Variants in SPSB1 observed in about 807,000 individuals in gnomAD.
The protein encoded by SPSB1 is splA/ryanodine receptor domain and SOCS box containing 1, also known as SPRY domain-containing SOCS box protein 1.
SPSB1 carries 8 observed loss-of-function variants against 21.2 expected under a neutral mutation model. The observed-to-expected ratio is 0.38, with a 90% CI of 0.22 to 0.68. SPSB1 has a LOEUF of 0.68. SPSB1 is among the 30% of genes least tolerant of loss of function. SPSB1 has a pLI of 0.53. For missense variants in SPSB1, 242 were observed against 377.8 expected, an observed-to-expected ratio of 0.64 and a Z score of 2.98; for synonymous variants, 169 against 161.7, an observed-to-expected ratio of 1.05 and a Z score of -0.34.
intron 1 of SPSB1, among the ~76,000 whole-genome samples, chr1:9,320,225 C>T (rs956795613): frequency 3.3e-5 from 5 of 152,248 alleles, no homozygotes; most frequent in African/African-American, 1.2e-4. Flanking sequence ...CACTGTGTGC[C>T]AAGCATTGTT....
chr1:9,298,548 C>T (rs1639265144), intron 1 of SPSB1, among the ~76,000 whole-genome samples: 1 of 152,192 alleles, frequency 6.6e-6, no homozygotes, highest in South Asian at 2.1e-4. Flanking sequence ...TTTCTCCTAG[C>T]CTTCCCCAAA....
Position 9,367,296 on chromosome 1 carries a change from C to G in SPSB1, c.695-152C>G. ...GCTCCTGGTGGCAGCTATTCACATG[C>G]TAAATTTAAAATGAAAAAGCATTGC... On this transcript the variant is annotated intron_variant, in intron 2 of 2. Transcript: ENST00000328089. The surrounding 1 kb of genome is among the most constrained non-coding windows in gnomAD (Gnocchi z 5.9). 1 of 1,465,044 alleles carries G rather than the reference C, an allele frequency of 6.8e-7. No homozygotes were observed. The highest frequency in any genetic ancestry group is 9.3e-7 in the Non-Finnish European group (1 of 1,074,036). The allele number at this position is 1,465,044 out of a possible 1,614,324, so 90.8% of individuals were successfully genotyped here.
chr1:9,326,151 A>T (rs973840058), intron 1 of SPSB1, among the ~76,000 whole-genome samples: 23 of 151,668 alleles, frequency 1.5e-4, no homozygotes, highest in Admixed American at 1.4e-3. Context: ...GGTGGGGCTG[A>T]ATTTAGTCTT....
chr1:9,301,884 G>A (rs775443412), intron 1 of SPSB1, among the ~76,000 whole-genome samples: 10 of 152,228 alleles, frequency 6.6e-5, no homozygotes, highest in Non-Finnish European at 1.3e-4. Flanking sequence ...TTTTGGAAGG[G>A]GCAGCGTTTT....
chr1:9,329,389 G>A (rs990667294), intron 1 of SPSB1, among the ~76,000 whole-genome samples: 5 of 152,102 alleles, frequency 3.3e-5, no homozygotes, highest in Admixed American at 2.0e-4. Context: ...GAGAGGTCAG[G>A]GGAGGTGACA....
chr1:9,359,054 C>T (rs1037124591), intron 2 of SPSB1, among the ~76,000 whole-genome samples: 1 of 152,168 alleles, frequency 6.6e-6, no homozygotes, highest in African/African-American at 2.4e-5. Context: ...AATCAGGATT[C>T]GGGAACCGCA....
At chr1:9,342,951 G>C (rs2100503161) in intron 1 of SPSB1, among the ~76,000 whole-genome samples, 1 of 152,324 alleles carries the variant, frequency 6.6e-6, no homozygotes, top group Admixed American at 6.5e-5. Context: ...CCAGGTCTCT[G>C]TAAGTTCTGT....
intron 1 of SPSB1, among the ~76,000 whole-genome samples, chr1:9,300,210 C>G (rs1466013851): frequency 6.6e-6 from 1 of 152,204 alleles, no homozygotes; most frequent in Non-Finnish European, 1.5e-5. Context: ...GTTGTTACAG[C>G]TTTCCTCCTG....
At chr1:9,320,492 T>C (rs906821299) in intron 1 of SPSB1, among the ~76,000 whole-genome samples, 6 of 152,196 alleles carry the variant, frequency 3.9e-5, no homozygotes, top group African/African-American at 7.2e-5. Flanking sequence ...CCGTTTCCCT[T>C]GGCGTTCCAT....
At chr1:9,338,152 C>A (rs765791220) in intron 1 of SPSB1, among the ~76,000 whole-genome samples, 11 of 152,238 alleles carry the variant, frequency 7.2e-5, no homozygotes, top group African/African-American at 1.4e-4. Context: ...CTCCTCCCCC[C>A]AGACCTGGAG....
chr1:9,349,587 G>A (rs1640218107), intron 1 of SPSB1, among the ~76,000 whole-genome samples: 1 of 152,242 alleles, frequency 6.6e-6, no homozygotes, highest in East Asian at 1.9e-4. Flanking sequence ...CGGCTTGCCT[G>A]CCTTCCTCAG....
chr1:9,329,359 A>G (rs1478633168), intron 1 of SPSB1, among the ~76,000 whole-genome samples: 1 of 152,010 alleles, frequency 6.6e-6, no homozygotes, highest in Non-Finnish European at 1.5e-5. Flanking sequence ...CTTCATGCCA[A>G]GGGCTGGAGG....
At chr1:9,365,737 C>T (rs549962691) in intron 2 of SPSB1, among the ~76,000 whole-genome samples, 1 of 152,334 alleles carries the variant, frequency 6.6e-6, no homozygotes, top group African/African-American at 2.4e-5. Context: ...CTTTAATCCA[C>T]TTTTTACTGG....
In SPSB1 at chr1:9,356,211, G is replaced by A. The variant is rs370909891; in HGVS notation, c.320G>A (p.Arg107Lys). Residue 107 changes from arginine to lysine, a missense_variant, in exon 2 of 3, where the codon AGA (arginine) becomes AAA (lysine). Transcript: ENST00000328089. The surrounding 1 kb of genome is among the most constrained non-coding windows in gnomAD (Gnocchi z 7.4). ...LHVWQITWAM[R>K]QRGTHAVVGV... ...GTGTGGCAGATCACGTGGGCCATGAGACAGCGGGGCACACACGCCGTGGTG... is the reference window on the plus strand; with the variant it reads ...GTGTGGCAGATCACGTGGGCCATGAAACAGCGGGGCACACACGCCGTGGTG... 3.8e-6 allele frequency: 6 copies of A among 1,595,842 alleles called. No individual in the cohort carries two copies. The African/African-American group carries it at 8.0e-5, about 21-fold the overall frequency.
intron 1 of SPSB1, among the ~76,000 whole-genome samples, chr1:9,336,594 C>T (rs928501388): frequency 4.6e-5 from 7 of 152,148 alleles, no homozygotes; most frequent in East Asian, 1.9e-4. Context: ...ATCCTCTGCC[C>T]GCGTGCGTTC....
At chr1:9,307,758 C>T (rs1639443767) in intron 1 of SPSB1, among the ~76,000 whole-genome samples, 1 of 152,214 alleles carries the variant, frequency 6.6e-6, no homozygotes. Context: ...GTATCTTTTC[C>T]CGTTGATCTA....
Position 9,293,148 on chromosome 1 carries a change from A to T in SPSB1, c.-150+77A>T. On this transcript the variant is annotated intron_variant, in intron 1 of 2. Transcript: ENST00000328089. This position sits in a 1 kb window ranked among gnomAD's most constrained non-coding sequence, Gnocchi z 5.1. ...AGGGGGAGGCGCGGGGGGCCGGGCG[A>T]GGGCGGACGCGGGGATCGCGCCGCT... The T allele has an allele frequency of 1.0e-6, 1 of 979,340 alleles. No individual in the cohort carries two copies. The allele number at this position is 979,340 out of a possible 1,614,324, so 60.7% of individuals were successfully genotyped here.
At chr1:9,350,119 CCT>C (rs1640233054) in intron 1 of SPSB1, among the ~76,000 whole-genome samples, 1 of 152,116 alleles carries the variant, frequency 6.6e-6, no homozygotes, top group Non-Finnish European at 1.5e-5. Flanking sequence ...CACACACACC[CCT>C]ACCACCCGCA....
At chr1:9,352,642 C>T (rs1640280381) in intron 1 of SPSB1, among the ~76,000 whole-genome samples, 1 of 152,038 alleles carries the variant, frequency 6.6e-6, no homozygotes, top group Admixed American at 6.6e-5. Flanking sequence ...GAGCTCCCTC[C>T]TCCTCCCTCC....
Sources: allele counts gnomAD v4.1 joint callset (sites outside exome capture counted in the v4.1 genomes callset), GRCh38; gene constraint gnomAD v4.1.1; non-coding constraint Gnocchi (gnomAD v3.1); transcripts MANE v1.5; gene names NCBI Gene and HGNC (gene_info 2026-07-23, HGNC 2026-07-21).